RBMX2: variants seen among roughly 807,000 people sequenced by gnomAD.
RBMX2 encodes the protein RNA-binding motif protein, X-linked 2.
For synonymous variants in RBMX2, 77 were observed against 94.3 expected (o/e 0.82, Z 1.07); for missense variants, 191 against 256.0 (o/e 0.75, Z 1.73).
chrX:130,403,593 G>A (rs903010014), intron 2 of RBMX2, among the ~76,000 whole-genome samples: 1 of 111,113 alleles, frequency 9.0e-6, no homozygotes, highest in Non-Finnish European at 1.9e-5. Context: ...GGCTGGTCTC[G>A]AACACCTGAC....
chrX:130,407,055 T>G (rs764930959), intron 3 of RBMX2, among the ~76,000 whole-genome samples: 7 of 111,571 alleles, frequency 6.3e-5, no homozygotes, highest in Admixed American at 1.9e-4. Flanking sequence ...TATGTTATAC[T>G]TATCATTATT....
chrX:130,412,112 G>C (rs781119990), intron 5 of RBMX2, among the ~76,000 whole-genome samples: 1 of 103,297 alleles, frequency 9.7e-6, no homozygotes, highest in East Asian at 3.0e-4. Context: ...TTTTTTAGTA[G>C]AGACGGGGTT....
At chrX:130,411,083 T>C (rs956164278) in intron 4 of RBMX2, 3 of 268,732 alleles carry the variant, frequency 1.1e-5, no homozygotes, top group Non-Finnish European at 1.3e-5. Context: ...AACATGAAGA[T>C]ATTTGTATGC....
chrX:130,410,201 A>C (rs768305829), intron 4 of RBMX2, among the ~76,000 whole-genome samples: 1 of 111,954 alleles, frequency 8.9e-6, no homozygotes, highest in Admixed American at 9.5e-5. Context: ...AGGTTTTCCA[A>C]AGTGTTTCAA....
intron 2 of RBMX2, 102 bp downstream of exon 2, chrX:130,402,472 C>A: frequency 9.0e-7 from 1 of 1,106,411 alleles, no homozygotes; most frequent in Non-Finnish European, 1.2e-6. Flanking sequence ...CATTCATCGC[C>A]CACCTTCATA....
chrX:130,411,759 A>G (rs960436630), intron 5 of RBMX2, among the ~76,000 whole-genome samples: 2 of 111,030 alleles, frequency 1.8e-5, no homozygotes, highest in African/African-American at 6.6e-5. Context: ...ATGCGACTGT[A>G]TTTGGAGATA....
chrX:130,402,918 A>G (rs767803383), intron 2 of RBMX2, among the ~76,000 whole-genome samples: 34 of 112,743 alleles, frequency 3.0e-4, no homozygotes, highest in Non-Finnish European at 5.1e-4. Context: ...CAAAGAGGTT[A>G]TTGTACCAAA....
rs765944315 is a variant in RBMX2, at chrX:130,402,236, C to CG, written c.6-19_6-18insG. On this transcript the variant is annotated intron_variant, in intron 1 of 5. Transcript: ENST00000305536. ...CTGCTTTTCTGCCTACCCTCCCCACCCCCCCCGCCACCGTGAAGCCCTTTA... is the reference window on the plus strand; with the variant it reads ...CTGCTTTTCTGCCTACCCTCCCCACCGCCCCCCGCCACCGTGAAGCCCTTTA... The CG allele has an allele frequency of 3.4e-6, 4 of 1,173,920 alleles. No homozygotes were observed. The African/African-American group carries it at 7.3e-5, about 21-fold the overall frequency.
rs937604876 is a variant in RBMX2 at position 130,413,295 on chromosome X, A to G, written c.*447A>G. On this transcript the variant is annotated 3_prime_UTR_variant, in exon 6 of 6. Coordinates refer to ENST00000305536, the MANE Select transcript of RBMX2 (RefSeq NM_016024.4). ...TCCATGCCCAAACCTTCCTGTTTGC[A>G]GAACTTTTTAATGTCTTTTCTTTTT... The G allele has an allele frequency of 2.7e-5, 3 of 112,837 alleles. No individual in the cohort carries two copies. Among genetic ancestry groups the G allele is most frequent in the African/African-American group, 9.7e-5 (3 of 30,891 alleles). The allele number at this position is 112,837 out of a possible 1,213,427, so 9.3% of individuals were successfully genotyped here. A position where few individuals can be genotyped will look rare whatever the true frequency, so the allele number is the denominator to read the frequency against.
Position 130,412,481 on chromosome X carries a change from GC to G in RBMX2, c.605del (p.Pro202LeufsTer37). ...ACAGTAAAGGAAAAGGATGACACTG[GC>G]CCTAAGAAGCACAGCAGCAAGAACT... ...RKTVKEKDDT[G>X]PKKHSSKNSE... is the part of the protein sequence containing the mutation. On this transcript the variant is annotated frameshift_variant, in exon 6 of 6. Transcript: ENST00000305536. LOFTEE classifies it low-confidence loss of function (END_TRUNC). The G allele has an allele frequency of 8.3e-7, 1 of 1,210,141 alleles. No individual in the cohort carries two copies. The highest frequency in any genetic ancestry group is 1.1e-6 in the Non-Finnish European group (1 of 895,035).
intron 3 of RBMX2, chrX:130,404,196 G>T (rs376683657): frequency 8.8e-6 from 2 of 227,326 alleles, no homozygotes; most frequent in South Asian, 3.4e-4. Context: ...GGCCCTTCTG[G>T]CCCTTACCTG....
At position 130,412,574 on chromosome X, in the gene RBMX2, C is replaced by T. The variant is rs754263442; in HGVS notation, c.695C>T (p.Ser232Phe). ...QKLPKSRTAY[S>F]GGAEDLEREL... ...CTCCCCAAATCCAGGACGGCCTACT[C>T]TGGTGGAGCAGAGGACCTAGAGAGG... The change falls in exon 6 of 6, where the codon TCT becomes TTT. Residue 232 changes from serine to phenylalanine, a missense_variant. By Grantham distance (155) the Ser-to-Phe change is radical. Transcript: ENST00000305536. The T allele has an allele frequency of 8.3e-7, 1 of 1,209,552 alleles. No individual in the cohort carries two copies. The highest frequency in any genetic ancestry group is 1.1e-6 in the Non-Finnish European group (1 of 895,012).
chrX:130,410,684 G>A (rs761205523), intron 4 of RBMX2, among the ~76,000 whole-genome samples: 23 of 112,336 alleles, frequency 2.0e-4, no homozygotes, highest in African/African-American at 7.4e-4. Flanking sequence ...ACTGCGCCCG[G>A]CCAGAGGGGT....
chrX:130,408,638 G>A (rs910741927), intron 3 of RBMX2, among the ~76,000 whole-genome samples: 5 of 110,885 alleles, frequency 4.5e-5, no homozygotes, highest in Non-Finnish European at 9.4e-5. Flanking sequence ...TCTGTTTTTT[G>A]TAGTATAATT....
Position 130,412,754 on chromosome X carries a change from G to T in RBMX2, c.875G>T (p.Arg292Ile). Reference sequence around the variant, plus strand: ...TCTGAAGGGCGTAGTTATAGAAGTAGAAGTAGGAGCCGAGATAAATCCCAT... The same window carrying T: ...TCTGAAGGGCGTAGTTATAGAAGTATAAGTAGGAGCCGAGATAAATCCCAT... ...GRSEGRSYRS[R>I]SRSRDKSHRH... Residue 292 changes from arginine (R) to isoleucine (I), a missense_variant, in exon 6 of 6, where the codon AGA becomes ATA. Arg to Ile is a moderately conservative substitution (Grantham distance 97). Transcript: ENST00000305536. 2.5e-6 allele frequency: 3 copies of T among 1,211,645 alleles called. No individual in the cohort carries two copies. The highest frequency in any genetic ancestry group is 3.4e-6 in the Non-Finnish European group (3 of 895,485).
At chrX:130,404,159 C>G in intron 3 of RBMX2, 1 of 291,163 alleles carries the variant, frequency 3.4e-6, no homozygotes, top group Non-Finnish European at 6.2e-6. Context: ...TGGGCTCTTG[C>G]AAACTAGGGG....
At chrX:130,410,093 G>A (rs934905919) in intron 4 of RBMX2, among the ~76,000 whole-genome samples, 1 of 111,572 alleles carries the variant, frequency 9.0e-6, no homozygotes. Context: ...ACTGATTCAC[G>A]AGTATGGAAT....
intron 3 of RBMX2, among the ~76,000 whole-genome samples, chrX:130,405,251 C>T (rs770850361): frequency 3.6e-4 from 39 of 109,415 alleles, no homozygotes; most frequent in Middle Eastern, 4.6e-3. Context: ...TGGTGGTGCG[C>T]GCCTGTAATC....
At position 130,412,964 on chromosome X, in the gene RBMX2, C is replaced by T; in HGVS notation, c.*116C>T. On this transcript the variant is annotated 3_prime_UTR_variant, in exon 6 of 6. Coordinates refer to ENST00000305536, the MANE Select transcript of RBMX2 (RefSeq NM_016024.4). ...CTTCTGGGGCTGGATTCTTTTAATCCCTTGACTATTTAGAGTCATTGGGAG... is the reference window on the plus strand; with the variant it reads ...CTTCTGGGGCTGGATTCTTTTAATCTCTTGACTATTTAGAGTCATTGGGAG... 1.3e-6 allele frequency: 1 copy of T among 786,444 alleles called. No homozygotes were observed. Among genetic ancestry groups the T allele is most frequent in the Non-Finnish European group, 1.8e-6 (1 of 563,856 alleles). The allele number at this position is 786,444 out of a possible 1,213,427, so 64.8% of individuals were successfully genotyped here. A position where few individuals can be genotyped will look rare whatever the true frequency, so the allele number is the denominator to read the frequency against.
Sources: gnomAD v4.1 joint callset for allele counts (sites outside exome capture counted in the v4.1 genomes callset) on GRCh38, gnomAD v4.1.1 for gene constraint, MANE v1.5 for transcripts, NCBI Gene and HGNC (gene_info 2026-07-23, HGNC 2026-07-21) for gene names.